CDK19: variants seen among roughly 807,000 people sequenced by gnomAD.
CDK19 encodes cyclin-dependent kinase 19.
In CDK19, 20 loss-of-function variants were observed where a neutral mutation model predicts 68.3. The ratio of observed to expected loss-of-function variants is 0.29; its 90% CI spans 0.21 to 0.43. The LOEUF is 0.43. Ranked by LOEUF, CDK19 falls within the 20% of genes least tolerant of loss-of-function variation. CDK19 has a pLI of 1.00. For synonymous variants in CDK19, 221 were observed against 222.8 expected (o/e 0.99, Z 0.07); for missense variants, 339 against 623.5 (o/e 0.54, Z 4.86).
At chr6:110,745,283 TAC>T (rs952684912) in intron 2 of CDK19, among the ~76,000 whole-genome samples, 1 of 152,178 alleles carries the variant, frequency 6.6e-6, no homozygotes, top group African/African-American at 2.4e-5. Flanking sequence ...TGGTATCTAG[TAC>T]ACACTCATTA....
chr6:110,633,911 G>A (rs1415688861), intron 5 of CDK19, among the ~76,000 whole-genome samples: 2 of 152,172 alleles, frequency 1.3e-5, no homozygotes, highest in South Asian at 2.1e-4. Context: ...TAATTTAGGA[G>A]CTACCTCCTT....
At chr6:110,776,390 C>T (rs1001592057) in intron 1 of CDK19, among the ~76,000 whole-genome samples, 1 of 151,324 alleles carries the variant, frequency 6.6e-6, no homozygotes, top group African/African-American at 2.4e-5. Context: ...GATCGTGCCA[C>T]TGCACTCCAG....
rs1477602199 is a variant in CDK19, at chr6:110,724,084, T to A, written c.204+22042A>T. 3.3e-5 allele frequency among the ~76,000 whole-genome samples: 5 copies of A among 151,366 alleles called. No homozygotes were observed. In the East Asian group the frequency reaches 9.7e-4, roughly 29 times the overall value. On this transcript the variant is annotated intron_variant, in intron 2 of 12. Transcript: ENST00000368911. ...CTAGCCATTATAGGGCCAGGCACAG[T>A]GGCCCATGCCTGTAATCCCAGCACT...
At chr6:110,627,331 T>G (rs756071853) in intron 6 of CDK19, among the ~76,000 whole-genome samples, 186 bp from the exon 7 acceptor site, 14 of 151,982 alleles carry the variant, frequency 9.2e-5, no homozygotes, top group Non-Finnish European at 2.1e-4. Context: ...TATATAGGTA[T>G]GTATATATAT....
Position 110,610,869 on chromosome 6 carries a change from T to C in CDK19, c.*3666A>G, listed in dbSNP as rs753614069. The C allele has an allele frequency of 6.6e-6, 1 of 152,216 alleles. No individual in the cohort carries two copies. Among genetic ancestry groups the C allele is most frequent in the Non-Finnish European group, 1.5e-5 (1 of 68,038 alleles). The allele number at this position is 152,216 out of a possible 1,614,324, so 9.4% of individuals were successfully genotyped here. A position where few individuals can be genotyped will look rare whatever the true frequency, so the allele number is the denominator to read the frequency against. On this transcript the variant is annotated 3_prime_UTR_variant, in exon 13 of 13. Coordinates refer to ENST00000368911, the MANE Select transcript of CDK19 (RefSeq NM_015076.5). ...CTATTTTTTTCTTTTCTTTTACCTT[T>C]AGCAGAGAAAACAGCATCATTTTAG...
At chr6:110,642,305 T>C (rs1780249412) in intron 4 of CDK19, among the ~76,000 whole-genome samples, 2 of 110,962 alleles carry the variant, frequency 1.8e-5, no homozygotes, top group Admixed American at 1.6e-4. Flanking sequence ...TGAGACTCTG[T>C]TTCAAAAAAA....
intron 1 of CDK19, among the ~76,000 whole-genome samples, chr6:110,801,411 G>A (rs1033889156): frequency 7.2e-5 from 11 of 152,146 alleles, no homozygotes; most frequent in African/African-American, 1.2e-4. Flanking sequence ...CTTAGGCCCA[G>A]GAGATTGAGA....
rs1423668690 is a variant in CDK19, at chr6:110,632,144, TG to T, written c.531del (p.Arg178AspfsTer7). On this transcript the variant is annotated frameshift_variant, in exon 6 of 13. Coordinates refer to ENST00000368911, the MANE Select transcript of CDK19 (RefSeq NM_015076.5). LOFTEE classifies it high-confidence loss of function. ...GRVKIADMGF[A>X]RLFNSPLKPL... ...GGCTTTAGAGGAGAATTGAATAATC[TG>T]GCAAAACCCATGTCAGCTAAAAAAA... 6.2e-7 allele frequency: 1 copy of T among 1,604,120 alleles called. No homozygotes were observed. The highest frequency in any genetic ancestry group is 8.5e-7 in the Non-Finnish European group (1 of 1,177,622).
chr6:110,628,571 G>A (rs1203536848), intron 6 of CDK19, among the ~76,000 whole-genome samples: 1 of 152,140 alleles, frequency 6.6e-6, no homozygotes, highest in Non-Finnish European at 1.5e-5. Context: ...GTGGTCGTCT[G>A]GGTTATTAGA....
At chr6:110,732,102 C>A (rs117089827) in intron 2 of CDK19, among the ~76,000 whole-genome samples, 1 of 151,212 alleles carries the variant, frequency 6.6e-6, no homozygotes, top group South Asian at 2.1e-4. Flanking sequence ...CAGTAAACTG[C>A]GCCATCTAGC....
chr6:110,621,825 A>G lies in CDK19; in HGVS notation c.1110+263T>C, dbSNP rs1217080739. Among the ~76,000 whole-genome samples the G allele has an allele frequency of 6.6e-6, 1 of 152,190 alleles. No homozygotes were observed. The highest frequency in any genetic ancestry group is 1.5e-5 in the Non-Finnish European group (1 of 68,022). On this transcript the variant is annotated intron_variant, in intron 11 of 12. Coordinates refer to ENST00000368911, the MANE Select transcript of CDK19 (RefSeq NM_015076.5). The surrounding 1 kb of genome is among the most constrained non-coding windows in gnomAD (Gnocchi z 5.4). ...TAAAGGGGTGGTAGTGACACCAAAC[A>G]AACAGAAAGAGCAAGAAGTGGGAAT...
At chr6:110,699,400 G>C (rs892326751) in intron 2 of CDK19, among the ~76,000 whole-genome samples, 5 of 150,312 alleles carry the variant, frequency 3.3e-5, no homozygotes, top group Non-Finnish European at 5.9e-5. Flanking sequence ...ATTCCAGCTC[G>C]GGCAAGAGAG....
At chr6:110,686,101 C>T (rs1772451246) in intron 2 of CDK19, among the ~76,000 whole-genome samples, 1 of 152,076 alleles carries the variant, frequency 6.6e-6, no homozygotes, top group African/African-American at 2.4e-5. Context: ...TAAAAATCTA[C>T]CATTAGAAAA....
chr6:110,743,810 C>A (rs1777859890), intron 2 of CDK19, among the ~76,000 whole-genome samples: 1 of 151,976 alleles, frequency 6.6e-6, no homozygotes, highest in East Asian at 1.9e-4. Flanking sequence ...TTAATCAATA[C>A]CTAAAATTTC....
At chr6:110,727,652 A>C (rs1381839435) in intron 2 of CDK19, among the ~76,000 whole-genome samples, 6 of 151,946 alleles carry the variant, frequency 3.9e-5, no homozygotes. Context: ...TCTCCATCTT[A>C]GTTCTCTTCT....
At chr6:110,627,579 T>C (rs545087224) in intron 6 of CDK19, among the ~76,000 whole-genome samples, 8 of 152,128 alleles carry the variant, frequency 5.3e-5, no homozygotes, top group Non-Finnish European at 1.2e-4. Context: ...GGTGTAACCA[T>C]GGCTCCCTGA....
intron 4 of CDK19, among the ~76,000 whole-genome samples, chr6:110,651,057 C>T (rs916552772): frequency 6.6e-6 from 1 of 152,216 alleles, no homozygotes; most frequent in Non-Finnish European, 1.5e-5. Context: ...AATGTAAGAA[C>T]AGGAGAGTAA....
chr6:110,636,243 A>G (rs1412094118), intron 5 of CDK19, among the ~76,000 whole-genome samples: 1 of 152,208 alleles, frequency 6.6e-6, no homozygotes, highest in East Asian at 1.9e-4. Flanking sequence ...AAGATATCCA[A>G]ATAGAAATAA....
intron 1 of CDK19, among the ~76,000 whole-genome samples, chr6:110,792,869 C>T (rs868356778): frequency 2.8e-4 from 43 of 152,052 alleles, no homozygotes; most frequent in Admixed American, 2.1e-3. Flanking sequence ...ACAGATTTAG[C>T]GAATAAATAA....
Sources: allele counts gnomAD v4.1 joint callset (sites outside exome capture counted in the v4.1 genomes callset), GRCh38; gene constraint gnomAD v4.1.1; non-coding constraint Gnocchi (gnomAD v3.1); transcripts MANE v1.5; gene names NCBI Gene and HGNC (gene_info 2026-07-23, HGNC 2026-07-21).